Variants in HIVEP1 observed in about 807,000 individuals in gnomAD.
The protein encoded by HIVEP1 is HIVEP zinc finger 1.
In HIVEP1, 36 loss-of-function variants were observed where a neutral mutation model predicts 180.0. The observed-to-expected ratio is 0.20, with a 90% CI of 0.15 to 0.26. The LOEUF is 0.26. Among genes scored for constraint, HIVEP1 ranks in the 10% least tolerant of loss-of-function variants. The pLI is 1.00. For synonymous variants in HIVEP1, 1,239 were observed against 1,239.0 expected, an observed-to-expected ratio of 1.00 and a Z score of 0.00; for missense variants, 3,143 against 3,268.7, an observed-to-expected ratio of 0.96 and a Z score of 0.94.
intron 2 of HIVEP1, among the ~76,000 whole-genome samples, chr6:12,086,768 A>G (rs115947501): frequency 0.014 from 2,133 of 152,222 alleles, 24 homozygotes; most frequent in Middle Eastern, 0.065. Context: ...CATAATATGT[A>G]TGCACGTGGG....
Position 12,089,236 on chromosome 6 carries a change from A to G in HIVEP1, c.93A>G (p.Lys31=). 1 of 1,554,354 alleles carries G rather than the reference A, an allele frequency of 6.4e-7. No homozygotes were observed. Among genetic ancestry groups the G allele is most frequent in the Non-Finnish European group, 8.9e-7 (1 of 1,129,270 alleles). ...KELNGAEVSK[K]EILQAGVKGT... is the part of the protein sequence containing the mutation. Reference sequence around the variant, plus strand: ...TTAATGGGGCAGAAGTTTCAAAAAAAGGTAAATTAAAATCAGCTTGAATGT... The same window carrying G: ...TTAATGGGGCAGAAGTTTCAAAAAAGGGTAAATTAAAATCAGCTTGAATGT... Residue 31 remains lysine (K), a splice_region_variant and synonymous_variant, in exon 3 of 9, where the codon AAA becomes AAG. Coordinates refer to ENST00000379388, the MANE Select transcript of HIVEP1 (RefSeq NM_002114.4).
At chr6:12,096,240 A>T (rs1773776106) in intron 3 of HIVEP1, among the ~76,000 whole-genome samples, 1 of 152,040 alleles carries the variant, frequency 6.6e-6, no homozygotes, top group Admixed American at 6.5e-5. Flanking sequence ...ATACATAGGT[A>T]GTTTATATGA....
In HIVEP1 at chr6:12,059,403, C is replaced by T. The variant is rs190453158; in HGVS notation, c.41-29781C>T. ...GGTACAGAGGTTGGGTGGGGATTCC[C>T]GCTAAACATTTAGAACCAACAGCAA... On this transcript the variant is annotated intron_variant, in intron 2 of 8. Transcript: ENST00000379388. Among the ~76,000 whole-genome samples the T allele has an allele frequency of 3.3e-5, 5 of 152,232 alleles. No homozygotes were observed. The South Asian group carries it at 6.2e-4, about 19-fold the overall frequency.
At chr6:12,210,704 T>C in the HIVEP1 span, among the ~76,000 whole-genome samples, 1 of 152,136 alleles carries the variant, frequency 6.6e-6, no homozygotes, top group Non-Finnish European at 1.5e-5. Context: ...CCTTTGTAAA[T>C]TAAACACAAC....
chr6:12,020,890 CTTTTTT>C (rs70981658), intron 2 of HIVEP1, among the ~76,000 whole-genome samples: 4 of 105,778 alleles, frequency 3.8e-5, no homozygotes, highest in African/African-American at 1.1e-4. Flanking sequence ...TTCTTTCTTT[CTTTTTT>C]TTTTTTTTTT....
At chr6:12,084,396 G>A (rs532600552) in intron 2 of HIVEP1, among the ~76,000 whole-genome samples, 1 of 152,238 alleles carries the variant, frequency 6.6e-6, no homozygotes, top group South Asian at 2.1e-4. Context: ...TTTGAGATGT[G>A]AAACTCGGAG....
chr6:12,018,709 C>T (rs142120834), intron 2 of HIVEP1, among the ~76,000 whole-genome samples: 2 of 152,232 alleles, frequency 1.3e-5, no homozygotes, highest in African/African-American at 4.8e-5. Context: ...AAGTTATCTG[C>T]GAAGCTGACA....
At chr6:12,055,061 A>G (rs1770770423) in intron 2 of HIVEP1, among the ~76,000 whole-genome samples, 2 of 152,242 alleles carry the variant, frequency 1.3e-5, no homozygotes, top group Non-Finnish European at 2.9e-5. Flanking sequence ...GTGGGAAAGT[A>G]TAATACTAAG....
the HIVEP1 span, among the ~76,000 whole-genome samples, chr6:12,193,588 A>G: frequency 6.6e-6 from 1 of 151,140 alleles, no homozygotes; most frequent in East Asian, 1.9e-4. Context: ...TTTTGCATTT[A>G]TTTGCTTATT....
the HIVEP1 span, among the ~76,000 whole-genome samples, chr6:12,182,033 T>C: frequency 2.0e-5 from 3 of 152,202 alleles, no homozygotes; most frequent in African/African-American, 7.2e-5. Context: ...CCAAATTCAT[T>C]ATTCTGTAGT....
At chr6:12,098,886 A>G (rs1276287693) in intron 3 of HIVEP1, among the ~76,000 whole-genome samples, 1 of 152,248 alleles carries the variant, frequency 6.6e-6, no homozygotes, top group Non-Finnish European at 1.5e-5. Flanking sequence ...TGCTATATGC[A>G]GGAAATTTAT....
intron 2 of HIVEP1, among the ~76,000 whole-genome samples, chr6:12,072,872 G>C (rs1382577122): frequency 1.3e-5 from 2 of 151,394 alleles, no homozygotes; most frequent in Non-Finnish European, 2.9e-5. Flanking sequence ...TCTTTTTTCT[G>C]TAAATTATTT....
At chr6:12,037,843 T>C in intron 2 of HIVEP1, 1 of 413,922 alleles carries the variant, frequency 2.4e-6, no homozygotes, top group Non-Finnish European at 4.3e-6. Flanking sequence ...CCCGAATAGC[T>C]TGGACTACAG....
chr6:12,125,521 T>G lies in HIVEP1; in HGVS notation c.5726T>G (p.Ile1909Ser). ...AAAAATCAAGGTGACAAAGTGAACA[T>G]CCAAGAGCAAAGTCAACAGCCAGTC... ...GVKNQGDKVN[I>S]QEQSQQPVTS... The change falls in exon 4 of 9, where the codon ATC (isoleucine) becomes AGC (serine). Residue 1909 changes from isoleucine (I) to serine (S), a missense_variant. Physicochemically the swap from Ile to Ser is moderately radical, Grantham distance 142 (BLOSUM62 -2). Around this residue, in one of 12 missense-constraint regions of HIVEP1, gnomAD observed 1,357 missense variants for 1,260.5 expected, o/e 1.08. Transcript: ENST00000379388. 6.2e-7 allele frequency: 1 copy of G among 1,614,124 alleles called. No homozygotes were observed. Among genetic ancestry groups the G allele is most frequent in the Non-Finnish European group, 8.5e-7 (1 of 1,180,010 alleles).
At chr6:12,203,698 T>G in the HIVEP1 span, among the ~76,000 whole-genome samples, 3 of 152,198 alleles carry the variant, frequency 2.0e-5, no homozygotes, top group African/African-American at 7.2e-5. Context: ...CAATCTACCC[T>G]GTATCACTGA....
intron 7 of HIVEP1, among the ~76,000 whole-genome samples, chr6:12,160,431 G>A (rs959112174): frequency 2.0e-5 from 3 of 152,158 alleles, no homozygotes; most frequent in African/African-American, 7.2e-5. Context: ...TACACATTAG[G>A]TGAATATGAC....
intron 6 of HIVEP1, among the ~76,000 whole-genome samples, chr6:12,134,172 AC>A (rs1398676296): frequency 6.6e-6 from 1 of 152,156 alleles, no homozygotes; most frequent in Non-Finnish European, 1.5e-5. Flanking sequence ...TATAATGAAC[AC>A]CATTGTGTGC....
intron 2 of HIVEP1, among the ~76,000 whole-genome samples, chr6:12,073,137 G>A (rs2113790874): frequency 6.6e-6 from 1 of 152,322 alleles, no homozygotes; most frequent in South Asian, 2.1e-4. Context: ...ACTGGTGGAG[G>A]CTTGCTTTGA....
Position 12,122,726 on chromosome 6 carries a change from T to C in HIVEP1, c.2931T>C (p.His977=). The change falls in exon 4 of 9, where the codon CAT becomes CAC. Residue 977 remains histidine, a synonymous_variant. Coordinates refer to ENST00000379388, the MANE Select transcript of HIVEP1 (RefSeq NM_002114.4). ...RYRKLENFEN[H]KKFYCSELHG... ...GGAAACTGGAAAATTTTGAAAATCATAAGAAATTTTACTGTTCTGAGTTAC... is the reference window on the plus strand; with the variant it reads ...GGAAACTGGAAAATTTTGAAAATCACAAGAAATTTTACTGTTCTGAGTTAC... 1 of 1,613,716 alleles carries C rather than the reference T, an allele frequency of 6.2e-7. No homozygotes were observed. The highest frequency in any genetic ancestry group is 1.1e-5 in the South Asian group (1 of 91,018).
Sources: allele counts gnomAD v4.1 joint callset (sites outside exome capture counted in the v4.1 genomes callset), GRCh38; gene constraint gnomAD v4.1.1; regional missense constraint gnomAD v4.1.1; transcripts MANE v1.5; gene names NCBI Gene and HGNC (gene_info 2026-07-23, HGNC 2026-07-21).